The following ACTN4 variants were observed in gnomAD, a reference collection of about 807,000 sequenced individuals.
ACTN4 encodes actinin alpha 4.
A neutral mutation model predicts 114.2 loss-of-function variants in ACTN4; 18 were observed. The observed-to-expected ratio is 0.16, with a 90% CI of 0.11 to 0.23. The LOEUF (loss-of-function observed/expected upper bound fraction) is 0.23, where lower values mean the gene tolerates loss of function less well. Ranked by LOEUF, ACTN4 falls within the 10% of genes least tolerant of loss-of-function variation. The pLI is 1.00. For missense variants in ACTN4, 722 were observed against 1,262.9 expected (o/e 0.57, Z 6.49); for synonymous variants, 515 against 506.3 (o/e 1.02, Z -0.23).
At chr19:38,673,476 T>TATATATTTATATATATTC (rs1967205957) in intron 1 of ACTN4, among the ~76,000 whole-genome samples, 1 of 50,738 alleles carries the variant, frequency 2.0e-5, no homozygotes, top group Non-Finnish European at 5.1e-5. Context: ...TATATATATT[T>TATATATTTATATATATTC]ATATATATAT....
At chr19:38,712,417 G>A (rs1043816996) in intron 8 of ACTN4, among the ~76,000 whole-genome samples, 10 of 152,134 alleles carry the variant, frequency 6.6e-5, no homozygotes, top group Non-Finnish European at 1.2e-4. Flanking sequence ...GCTGTAGTTC[G>A]GTCTCACAGG....
chr19:38,663,339 C>T (rs1288040281), intron 1 of ACTN4, among the ~76,000 whole-genome samples: 3 of 152,220 alleles, frequency 2.0e-5, no homozygotes, highest in African/African-American at 4.8e-5. Context: ...CTCTTCAGAG[C>T]AGAGCTCTGT....
chr19:38,731,129 C>T lies in ACTN4; in HGVS notation c.*1697C>T. 1 of 1,612,596 alleles carries T rather than the reference C, an allele frequency of 6.2e-7. No homozygotes were observed. The highest frequency in any genetic ancestry group is 1.1e-5 in the South Asian group (1 of 90,960). ...CACAGAAGATGCAGGTGAGGTGGGC[C>T]ACACAGGACACGAACCGCTCGAAGT... On this transcript the variant is annotated 3_prime_UTR_variant, in exon 21 of 21. Coordinates refer to ENST00000252699, the MANE Select transcript of ACTN4 (RefSeq NM_004924.6).
intron 1 of ACTN4, among the ~76,000 whole-genome samples, chr19:38,673,784 A>ATT (rs58144950): frequency 2.1e-4 from 14 of 67,850 alleles, no homozygotes; most frequent in African/African-American, 2.8e-4. Flanking sequence ...TATATGTATA[A>ATT]TTTTTTTTTT....
At position 38,688,787 on chromosome 19, in the gene ACTN4, A is replaced by G. The variant is rs543948969; in HGVS notation, c.163-11813A>G. 3.3e-5 allele frequency among the ~76,000 whole-genome samples: 5 copies of G among 152,206 alleles called. No homozygotes were observed. In the South Asian group the frequency reaches 1.0e-3, roughly 31 times the overall value. ...CCACTGCACACCCACCATGATGGCT[A>G]TAATCAGAAAGTCAGATAATAAGTA... On this transcript the variant is annotated intron_variant, in intron 1 of 20. Coordinates refer to ENST00000252699, the MANE Select transcript of ACTN4 (RefSeq NM_004924.6).
In ACTN4 at chr19:38,704,927, T is replaced by C; in HGVS notation, c.398-7T>C. ...CTTCTGCCCTCTGCCCCCTTCCCTGTGTGCAGAGATTGTGGACGGCAACGC... is the reference window on the plus strand; with the variant it reads ...CTTCTGCCCTCTGCCCCCTTCCCTGCGTGCAGAGATTGTGGACGGCAACGC... On this transcript the variant is annotated splice_polypyrimidine_tract_variant and splice_region_variant and intron_variant, in intron 3 of 20. Transcript: ENST00000252699. 1 of 1,613,078 alleles carries C rather than the reference T, an allele frequency of 6.2e-7. No homozygotes were observed. The highest frequency in any genetic ancestry group is 1.1e-5 in the South Asian group (1 of 91,070).
At chr19:38,681,302 C>T (rs1967567903) in intron 1 of ACTN4, among the ~76,000 whole-genome samples, 1 of 152,086 alleles carries the variant, frequency 6.6e-6, no homozygotes, top group African/African-American at 2.4e-5. Flanking sequence ...ATGTCTCCCT[C>T]AGCAGCCTCC....
chr19:38,703,273 T>C (rs1386631009), intron 3 of ACTN4, among the ~76,000 whole-genome samples: 1 of 148,436 alleles, frequency 6.7e-6, no homozygotes, highest in Admixed American at 6.8e-5. Context: ...AATCTCACTC[T>C]TGTCACCTAG....
At position 38,647,729 on chromosome 19, in the gene ACTN4, G is replaced by A; in HGVS notation, c.-17G>A. ...GGCGGGAGCGGACAGGCTGGTGGGC[G>A]AGCGAGAGGCGGCGGAATGGTGGAC... On this transcript the variant is annotated 5_prime_UTR_variant, in exon 1 of 21. Coordinates refer to ENST00000252699, the MANE Select transcript of ACTN4 (RefSeq NM_004924.6). The A allele has an allele frequency of 6.5e-7, 1 of 1,538,298 alleles. No homozygotes were observed. Among genetic ancestry groups the A allele is most frequent in the Non-Finnish European group, 8.7e-7 (1 of 1,143,324 alleles).
chr19:38,660,142 C>T (rs7257498), intron 1 of ACTN4, among the ~76,000 whole-genome samples: 2,150 of 152,178 alleles, frequency 0.014, 58 homozygotes, highest in African/African-American at 0.048. Flanking sequence ...GGCTGGTCTC[C>T]AACTCCTGAC....
In ACTN4 at chr19:38,647,844, C is replaced by G; in HGVS notation, c.99C>G (p.Ala33=). 1 of 1,550,404 alleles carries G rather than the reference C, an allele frequency of 6.4e-7. No homozygotes were observed. The highest frequency in any genetic ancestry group is 1.2e-5 in the South Asian group (1 of 84,350). ...GGGGSMGDYM[A]QEDDWDRDLL... ...GGGGCAGCATGGGCGACTACATGGC[C>G]CAGGAGGACGACTGGGACCGGGACC... Residue 33 remains alanine (A), a synonymous_variant, in exon 1 of 21, where the codon GCC becomes GCG. Coordinates refer to ENST00000252699, the MANE Select transcript of ACTN4 (RefSeq NM_004924.6).
Position 38,714,461 on chromosome 19 carries a change from C to A in ACTN4, c.820-8C>A. On this transcript the variant is annotated splice_polypyrimidine_tract_variant and splice_region_variant and intron_variant, in intron 8 of 20. Coordinates refer to ENST00000252699, the MANE Select transcript of ACTN4 (RefSeq NM_004924.6). ...CCCAGGCAGCCCTGACTGTGTGCTCCCCTCCAGGCTGAAACTGCCGCCAAC... is the reference window on the plus strand; with the variant it reads ...CCCAGGCAGCCCTGACTGTGTGCTCACCTCCAGGCTGAAACTGCCGCCAAC... The A allele has an allele frequency of 6.2e-7, 1 of 1,613,408 alleles. No homozygotes were observed. Among genetic ancestry groups the A allele is most frequent in the African/African-American group, 1.3e-5 (1 of 75,000 alleles).
chr19:38,652,854 G>A (rs947976336), intron 1 of ACTN4, among the ~76,000 whole-genome samples: 16 of 152,162 alleles, frequency 1.1e-4, no homozygotes, highest in Admixed American at 1.0e-3. Context: ...GGGAGGCTGA[G>A]GTGGGCAGAT....
At chr19:38,720,435 G>A (rs1327199001) in intron 11 of ACTN4, among the ~76,000 whole-genome samples, 1 of 152,252 alleles carries the variant, frequency 6.6e-6, no homozygotes, top group Non-Finnish European at 1.5e-5. Flanking sequence ...AGTTGGAGAA[G>A]GGAATTGCAA....
rs1969438323 is a variant in ACTN4 at position 38,730,056 on chromosome 19, G to GTC, written c.*626_*627dup. The GTC allele has an allele frequency of 6.7e-6, 1 of 150,306 alleles. No individual in the cohort carries two copies. Among genetic ancestry groups the GTC allele is most frequent in the African/African-American group, 2.6e-5 (1 of 37,928 alleles). The allele number at this position is 150,306 out of a possible 1,614,324, so 9.3% of individuals were successfully genotyped here. The stretch of plus-strand genomic sequence containing the variant: ...ATCCCACCAGCCCCGGCCTTGCTTT[G>GTC]TCTGGCCTCACGTGTCTCAGATTTT... On this transcript the variant is annotated 3_prime_UTR_variant, in exon 21 of 21. Transcript: ENST00000252699.
chr19:38,717,053 C>T lies in ACTN4; in HGVS notation c.913-33C>T, dbSNP rs774148634. 3 of 1,595,278 alleles carry T rather than the reference C, an allele frequency of 1.9e-6. No individual in the cohort carries two copies. The highest frequency in any genetic ancestry group is 2.7e-5 in the African/African-American group (2 of 74,488). ...GCCCGTCAGCACTCTGAGGGTCCCC[C>T]ACAAAGGCCACGCTGGCTTCTGTGG... On this transcript the variant is annotated intron_variant, in intron 9 of 20. Transcript: ENST00000252699. The surrounding 1 kb of genome is among the most constrained non-coding windows in gnomAD (Gnocchi z 4.0).
rs1599856568 is a variant in ACTN4, at chr19:38,723,787, G to A, written c.1551+65G>A. 6 of 1,490,884 alleles carry A rather than the reference G, an allele frequency of 4.0e-6. No homozygotes were observed. In the South Asian group the frequency reaches 7.0e-5, roughly 17 times the overall value. The allele number at this position is 1,490,884 out of a possible 1,614,324, so 92.4% of individuals were successfully genotyped here. A position where few individuals can be genotyped will look rare whatever the true frequency, so the allele number is the denominator to read the frequency against. ...CTGCTGCCCCGGGGCTGGTGGTGTG[G>A]ATAGTGTCCAGACCTGTGAGCTCCC... On this transcript the variant is annotated intron_variant, in intron 13 of 20. Coordinates refer to ENST00000252699, the MANE Select transcript of ACTN4 (RefSeq NM_004924.6).
chr19:38,710,456 A>C, intron 8 of ACTN4, 114 bp downstream of exon 8: 2 of 1,107,146 alleles, frequency 1.8e-6, no homozygotes, highest in Non-Finnish European at 2.7e-6. Context: ...CCTCTCTCCA[A>C]CTGGAAGCCA....
chr19:38,708,266 T>G, intron 6 of ACTN4, 71 bp downstream of exon 6: 1 of 1,513,364 alleles, frequency 6.6e-7, no homozygotes. Context: ...CGGGTCACCA[T>G]CCCCATGCCC....
Sources: gnomAD v4.1 joint callset for allele counts (sites outside exome capture counted in the v4.1 genomes callset) on GRCh38, gnomAD v4.1.1 for gene constraint, Gnocchi (gnomAD v3.1) non-coding constraint, MANE v1.5 for transcripts, NCBI Gene and HGNC (gene_info 2026-07-23, HGNC 2026-07-21) for gene names.